ENOX1: variants seen among roughly 807,000 people sequenced by gnomAD.
The protein encoded by ENOX1 is ecto-NOX disulfide-thiol exchanger 1, also known as candidate growth-related and time keeping constitutive hydroquinone (NADH) oxidase.
Under a neutral mutation model 82.5 loss-of-function variants are expected in ENOX1, and 42 were observed. That is an observed-to-expected ratio of 0.51 (90% CI 0.40 to 0.66). The LOEUF (loss-of-function observed/expected upper bound fraction) is 0.66. Among genes scored for constraint, ENOX1 ranks in the 30% least tolerant of loss-of-function variants. ENOX1 has a pLI of 0.00. For synonymous variants in ENOX1, 271 were observed against 282.2 expected (o/e 0.96, Z 0.40); for missense variants, 608 against 811.6 (o/e 0.75, Z 3.05).
intron 3 of ENOX1, among the ~76,000 whole-genome samples, chr13:43,418,881 T>C (rs1293667762): frequency 6.6e-6 from 1 of 152,238 alleles, no homozygotes; most frequent in Non-Finnish European, 1.5e-5. Context: ...GCAAATATTT[T>C]TTGAAACTTA....
At chr13:43,359,086 C>A (rs1381076676) in intron 7 of ENOX1, among the ~76,000 whole-genome samples, 1 of 151,842 alleles carries the variant, frequency 6.6e-6, no homozygotes, top group Non-Finnish European at 1.5e-5. Context: ...CCCACCCCCA[C>A]CCGCTACTGT....
At chr13:43,288,403 A>C (rs2045822247) in intron 12 of ENOX1, among the ~76,000 whole-genome samples, 1 of 152,212 alleles carries the variant, frequency 6.6e-6, no homozygotes, top group African/African-American at 2.4e-5. Context: ...TCGAAGAATC[A>C]GATAAACATG....
chr13:43,317,840 C>T (rs965798409), intron 11 of ENOX1, among the ~76,000 whole-genome samples: 2 of 151,764 alleles, frequency 1.3e-5, no homozygotes, highest in Non-Finnish European at 2.9e-5. Context: ...CCCGTCTCTA[C>T]TAAAAATACA....
chr13:43,238,320 T>TA (rs2042649630), intron 14 of ENOX1, among the ~76,000 whole-genome samples: 2 of 152,234 alleles, frequency 1.3e-5, no homozygotes, highest in African/African-American at 2.4e-5. Context: ...CAAAGGCTTA[T>TA]TATGTAGATG....
chr13:43,619,043 C>T (rs2082611555), intron 2 of ENOX1, among the ~76,000 whole-genome samples: 1 of 147,192 alleles, frequency 6.8e-6, no homozygotes, highest in South Asian at 2.1e-4. Flanking sequence ...ATTTTCTAGC[C>T]ACTGTTGGTG....
At chr13:43,623,378 G>A (rs2082826359) in intron 2 of ENOX1, among the ~76,000 whole-genome samples, 1 of 152,154 alleles carries the variant, frequency 6.6e-6, no homozygotes. Context: ...CATGGTGCCA[G>A]GCAGGAATGG....
chr13:43,331,716 A>T (rs1307144225), intron 9 of ENOX1, among the ~76,000 whole-genome samples: 9 of 152,294 alleles, frequency 5.9e-5, no homozygotes, highest in Non-Finnish European at 5.9e-5. Flanking sequence ...TAGACTGAAG[A>T]ATTATAATGG....
intron 3 of ENOX1, among the ~76,000 whole-genome samples, chr13:43,426,403 C>T (rs1020993471): frequency 2.0e-5 from 3 of 152,090 alleles, no homozygotes; most frequent in African/African-American, 7.2e-5. Context: ...GCTATTGCTA[C>T]GATGGTTTAC....
chr13:43,321,084 C>G (rs1258709176), intron 11 of ENOX1: 1 of 456,100 alleles, frequency 2.2e-6, no homozygotes, highest in Non-Finnish European at 4.4e-6. Context: ...ATGGTGCCTA[C>G]TTGTATGTTA....
chr13:43,315,148 T>G (rs1367885839), intron 11 of ENOX1, among the ~76,000 whole-genome samples: 3 of 152,246 alleles, frequency 2.0e-5, no homozygotes, highest in Admixed American at 6.5e-5. Flanking sequence ...CATTCTTCTG[T>G]AATGTTATAA....
intron 14 of ENOX1, among the ~76,000 whole-genome samples, chr13:43,261,839 T>A (rs1593586453): frequency 1.1e-5 from 1 of 93,446 alleles, no homozygotes; most frequent in Admixed American, 1.5e-4. Flanking sequence ...GGGACTGTTG[T>A]GGGGTGGGGG....
intron 3 of ENOX1, among the ~76,000 whole-genome samples, chr13:43,468,973 A>C (rs949332192): frequency 5.3e-5 from 8 of 152,176 alleles, no homozygotes; most frequent in African/African-American, 1.9e-4. Flanking sequence ...AACCTCACAG[A>C]ACTCATTTAT....
At chr13:43,622,728 G>A (rs2082792566) in intron 2 of ENOX1, among the ~76,000 whole-genome samples, 1 of 152,062 alleles carries the variant, frequency 6.6e-6, no homozygotes, top group South Asian at 2.1e-4. Context: ...TTTTGTGCTG[G>A]TTAGCCTCCT....
At chr13:43,457,727 C>T (rs7986768) in intron 3 of ENOX1, among the ~76,000 whole-genome samples, 67,596 of 151,948 alleles carry the variant, frequency 0.44, 15,513 homozygotes, top group Non-Finnish European at 0.5. Context: ...ATTTATGTCA[C>T]TGAATGTTAA....
chr13:43,332,451 A>T (rs1200857532), intron 9 of ENOX1, among the ~76,000 whole-genome samples: 1 of 152,200 alleles, frequency 6.6e-6, no homozygotes, highest in Non-Finnish European at 1.5e-5. Flanking sequence ...AGTTCCTAAC[A>T]GGCCATGGAC....
Position 43,529,933 on chromosome 13 carries a change from T to C in ENOX1, c.-218-45781A>G, listed in dbSNP as rs13378504. Among the ~76,000 whole-genome samples the C allele has an allele frequency of 7.0e-4, 107 of 152,254 alleles. 1 individual carries two copies. The highest frequency in any genetic ancestry group is 2.5e-3 in the African/African-American group (102 of 41,560). On this transcript the variant is annotated intron_variant, in intron 2 of 16. Transcript: ENST00000690772. ...TAAAACAACAAACTATGAATGCAGC[T>C]GTCACACTAACCTGTCCAATCCAGG...
intron 11 of ENOX1, among the ~76,000 whole-genome samples, chr13:43,309,025 CTTTT>C (rs138771171): frequency 1.6e-4 from 22 of 138,588 alleles, no homozygotes; most frequent in Admixed American, 3.6e-4. Flanking sequence ...CTCAAAGTTA[CTTTT>C]TTTTTTTTTT....
At chr13:43,289,378 G>T (rs1018451149) in intron 12 of ENOX1, among the ~76,000 whole-genome samples, 7 of 152,008 alleles carry the variant, frequency 4.6e-5, no homozygotes, top group African/African-American at 1.7e-4. Context: ...CAGACACCTA[G>T]ACCAATGGAA....
chr13:43,512,537 C>T (rs549568510), intron 2 of ENOX1, among the ~76,000 whole-genome samples: 1 of 151,640 alleles, frequency 6.6e-6, no homozygotes, highest in East Asian at 1.9e-4. Flanking sequence ...TGTTTAAATA[C>T]TACATAATAA....
Sources: gnomAD v4.1 joint callset for allele counts (sites outside exome capture counted in the v4.1 genomes callset) on GRCh38, gnomAD v4.1.1 for gene constraint, MANE v1.5 for transcripts, NCBI Gene and HGNC (gene_info 2026-07-23, HGNC 2026-07-21) for gene names.